TSC22D2: variants seen among roughly 807,000 people sequenced by gnomAD.
The protein encoded by TSC22D2 is TSC22 domain family protein 2.
A neutral mutation model predicts 50.1 loss-of-function variants in TSC22D2; 5 were observed. The ratio of observed to expected loss-of-function variants is 0.10; its 90% CI spans 0.05 to 0.21. The LOEUF (loss-of-function observed/expected upper bound fraction) is 0.21, where lower values mean the gene tolerates loss of function less well. Ranked by LOEUF, TSC22D2 falls within the 10% of genes least tolerant of loss-of-function variation. The pLI is 1.00. For synonymous variants in TSC22D2, 501 were observed against 450.1 expected (o/e 1.11, Z -1.43); for missense variants, 1,003 against 1,015.5 (o/e 0.99, Z 0.17).
chr3:150,434,705 T>G (rs1031275810), intron 1 of TSC22D2, among the ~76,000 whole-genome samples: 3 of 152,222 alleles, frequency 2.0e-5, no homozygotes, highest in East Asian at 3.8e-4. Flanking sequence ...GGTGTATTAA[T>G]GAAATTCTTT....
At chr3:150,442,139 T>C (rs970849711) in intron 1 of TSC22D2, among the ~76,000 whole-genome samples, 1 of 152,116 alleles carries the variant, frequency 6.6e-6, no homozygotes, top group Admixed American at 6.6e-5. Flanking sequence ...ACTTGGAACA[T>C]TTTTTTGTAC....
In TSC22D2 at chr3:150,412,454, C is replaced by T. The variant is rs899761501; in HGVS notation, c.1958+1146C>T. On this transcript the variant is annotated intron_variant, in intron 1 of 2. Transcript: ENST00000688009. ...ACATGTATGTTAAAGCTTTCTCTTCCTATGGTTTCTTCTGAGTTCCTTCAC... is the reference window on the plus strand; with the variant it reads ...ACATGTATGTTAAAGCTTTCTCTTCTTATGGTTTCTTCTGAGTTCCTTCAC... 3.3e-5 allele frequency among the ~76,000 whole-genome samples: 5 copies of T among 152,108 alleles called. No individual in the cohort carries two copies. The East Asian group carries it at 9.6e-4, about 29-fold the overall frequency.
In TSC22D2 at chr3:150,410,415, G is replaced by A. The variant is rs914438148; in HGVS notation, c.1065G>A (p.Gln355=). Residue 355 remains glutamine (Q), a synonymous_variant, in exon 1 of 3, where the codon CAG becomes CAA. Coordinates refer to ENST00000688009, the MANE Select transcript of TSC22D2 (RefSeq NM_001303264.2). ...AVGAPAAQQP[Q]QFAYPQPQIP... is the part of the protein sequence containing the mutation. ...GCGCCCCCGCGGCGCAGCAGCCCCA[G>A]CAGTTCGCGTATCCTCAGCCTCAGA... The A allele has an allele frequency of 3.1e-6, 5 of 1,608,832 alleles. No homozygotes were observed. In the African/African-American group the frequency reaches 6.7e-5, roughly 22 times the overall value.
At chr3:150,422,893 A>C (rs1720059339) in intron 1 of TSC22D2, 1 of 487,954 alleles carries the variant, frequency 2.0e-6, no homozygotes, top group African/African-American at 2.0e-5. Flanking sequence ...TTTCTTCTAA[A>C]GTGTTGTTTT....
At chr3:150,442,943 A>C (rs555040482) in intron 1 of TSC22D2, among the ~76,000 whole-genome samples, 1 of 152,340 alleles carries the variant, frequency 6.6e-6, no homozygotes, top group East Asian at 1.9e-4. Flanking sequence ...TATGTGTTAT[A>C]AAATAAGGTG....
rs1460075531 is a variant in TSC22D2 at position 150,436,401 on chromosome 3, G to A, written c.1959-20675G>A. Among the ~76,000 whole-genome samples, 13 of 151,912 alleles carry A rather than the reference G, an allele frequency of 8.6e-5. No individual in the cohort carries two copies. The East Asian group carries it at 2.1e-3, about 25-fold the overall frequency. On this transcript the variant is annotated intron_variant, in intron 1 of 2. Transcript: ENST00000688009. ...CCCTTTAACAAAAGGTCAAGCAGTC[G>A]GCCCTTTAAATGACCTTAAATTAAA... is the stretch of plus-strand genomic sequence containing the variant.
chr3:150,450,788 T>C (rs1215417945), intron 1 of TSC22D2, among the ~76,000 whole-genome samples: 1 of 152,146 alleles, frequency 6.6e-6, no homozygotes, highest in Non-Finnish European at 1.5e-5. Context: ...ATTTATTCCT[T>C]TGTAATCAGT....
chr3:150,455,538 T>G (rs552088807), intron 1 of TSC22D2, among the ~76,000 whole-genome samples: 18 of 152,338 alleles, frequency 1.2e-4, no homozygotes, highest in African/African-American at 4.3e-4. Context: ...ATTTCAAGGA[T>G]TTAGAAGTGG....
chr3:150,410,622 G>A lies in TSC22D2; in HGVS notation c.1272G>A (p.Ala424=). The change falls in exon 1 of 3, where the codon GCG becomes GCA. Residue 424 remains alanine, a synonymous_variant. Coordinates refer to ENST00000688009, the MANE Select transcript of TSC22D2 (RefSeq NM_001303264.2). ...GTGQNASSVG[A]QLMGASSQPS... ...GCCAGAATGCTTCCTCGGTGGGCGC[G>A]CAGCTCATGGGCGCGTCTTCCCAGC... The A allele has an allele frequency of 6.4e-7, 1 of 1,553,662 alleles. No homozygotes were observed. Among genetic ancestry groups the A allele is most frequent in the Non-Finnish European group, 8.7e-7 (1 of 1,151,660 alleles).
At chr3:150,426,684 G>T (rs1378126509) in intron 1 of TSC22D2, among the ~76,000 whole-genome samples, 1 of 152,096 alleles carries the variant, frequency 6.6e-6, no homozygotes, top group African/African-American at 2.4e-5. Flanking sequence ...CAGTTGCTAG[G>T]TGTACATCCC....
rs1721520954 is a variant in TSC22D2 at position 150,465,477 on chromosome 3, T to C, written c.*6841T>C. 1 of 152,186 alleles carries C rather than the reference T, an allele frequency of 6.6e-6. No individual in the cohort carries two copies. The highest frequency in any genetic ancestry group is 2.1e-4 in the South Asian group (1 of 4,830). 9.4% of individuals were successfully genotyped at this position (152,186 alleles called of 1,614,324 possible). A position where few individuals can be genotyped will look rare whatever the true frequency, so the allele number is the denominator to read the frequency against. ...GAGCATACAAATTGGCACAGCCTCT[T>C]TTAAAGACAATTGTGTATCACCCAT... On this transcript the variant is annotated 3_prime_UTR_variant, in exon 3 of 3. Transcript: ENST00000688009.
chr3:150,453,088 A>G (rs1338788420), intron 1 of TSC22D2, among the ~76,000 whole-genome samples: 1 of 152,210 alleles, frequency 6.6e-6, no homozygotes, highest in Non-Finnish European at 1.5e-5. Context: ...ATACATACAC[A>G]CTAATCTGAA....
intron 1 of TSC22D2, among the ~76,000 whole-genome samples, chr3:150,436,952 G>C (rs1358807967): frequency 6.6e-6 from 1 of 152,056 alleles, no homozygotes; most frequent in Non-Finnish European, 1.5e-5. Context: ...CTGTCTTTCA[G>C]TTTTCTATAG....
intron 1 of TSC22D2, 99 bp downstream of exon 1, chr3:150,411,407 G>T: frequency 7.7e-7 from 1 of 1,297,224 alleles, no homozygotes; most frequent in South Asian, 1.5e-5. Context: ...GAGGCCCTTA[G>T]CATTTTTAAA....
At chr3:150,424,075 T>G (rs1169856210) in intron 1 of TSC22D2, among the ~76,000 whole-genome samples, 1 of 152,194 alleles carries the variant, frequency 6.6e-6, no homozygotes, top group African/African-American at 2.4e-5. Flanking sequence ...TTCTTCGGCT[T>G]GATTTGCTTG....
Position 150,457,106 on chromosome 3 carries a change from C to A in TSC22D2, c.1989C>A (p.Asp663Glu). 1 of 1,611,822 alleles carries A rather than the reference C, an allele frequency of 6.2e-7. No individual in the cohort carries two copies. Among genetic ancestry groups the A allele is most frequent in the Non-Finnish European group, 8.5e-7 (1 of 1,179,428 alleles). ...CTGGGGGAGGTGTTGTAGCCATTGA[C>A]AACAAAATAGAACAAGCAATGGTAA... ...SASGGGVVAI[D>E]NKIEQAMDLV... The change falls in exon 2 of 3, where the codon GAC becomes GAA. Residue 663 changes from aspartate (D) to glutamate (E), a missense_variant. Asp to Glu is a conservative substitution (Grantham distance 45). Coordinates refer to ENST00000688009, the MANE Select transcript of TSC22D2 (RefSeq NM_001303264.2).
At position 150,441,982 on chromosome 3, in the gene TSC22D2, T is replaced by G. The variant is rs562096290; in HGVS notation, c.1959-15094T>G. Among the ~76,000 whole-genome samples, 11 of 152,280 alleles carry G rather than the reference T, an allele frequency of 7.2e-5. No individual in the cohort carries two copies. The East Asian group carries it at 2.1e-3, about 29-fold the overall frequency. On this transcript the variant is annotated intron_variant, in intron 1 of 2. Coordinates refer to ENST00000688009, the MANE Select transcript of TSC22D2 (RefSeq NM_001303264.2). Reference sequence around the variant, plus strand: ...TGGTTAATCACAAAGTACTGCCATATCTGCCTCCTCAGTGTTTTGCCAGCC... The same window carrying G: ...TGGTTAATCACAAAGTACTGCCATAGCTGCCTCCTCAGTGTTTTGCCAGCC...
rs183894922 is a variant in TSC22D2, at chr3:150,464,947, T to C, written c.*6311T>C. ...TCTCATAAGCAACAAGTGACACTTA[T>C]TATCTTGGCTGACAAAATCAGCTAC... On this transcript the variant is annotated 3_prime_UTR_variant, in exon 3 of 3. Transcript: ENST00000688009. 3 of 152,332 alleles carry C rather than the reference T, an allele frequency of 2.0e-5. No individual in the cohort carries two copies. The highest frequency in any genetic ancestry group is 3.9e-4 in the East Asian group (2 of 5,190). The allele number at this position is 152,332 out of a possible 1,614,324, so 9.4% of individuals were successfully genotyped here.
rs1721377978 is a variant in TSC22D2 at position 150,460,877 on chromosome 3, A to G, written c.*2241A>G. On this transcript the variant is annotated 3_prime_UTR_variant, in exon 3 of 3. Transcript: ENST00000688009. ...AAAGTAATAGTCTCCAAGGAAATGA[A>G]TAATAAGGTTTAAAATGGTAACAGC... is the stretch of plus-strand genomic sequence containing the variant. The G allele has an allele frequency of 6.6e-6, 1 of 152,216 alleles. No individual in the cohort carries two copies. Among genetic ancestry groups the G allele is most frequent in the South Asian group, 2.1e-4 (1 of 4,834 alleles). 9.4% of individuals were successfully genotyped at this position (152,216 alleles called of 1,614,324 possible). A position where few individuals can be genotyped will look rare whatever the true frequency, so the allele number is the denominator to read the frequency against.
Sources: gnomAD v4.1 joint callset for allele counts (sites outside exome capture counted in the v4.1 genomes callset) on GRCh38, gnomAD v4.1.1 for gene constraint, MANE v1.5 for transcripts, NCBI Gene and HGNC (gene_info 2026-07-23, HGNC 2026-07-21) for gene names.